DOCK3: variants seen among roughly 807,000 people sequenced by gnomAD.
The protein encoded by DOCK3 is dedicator of cytokinesis protein 3.
In DOCK3, 60 loss-of-function variants were observed where a neutral mutation model predicts 265.6. That is an observed-to-expected ratio of 0.23 (90% confidence interval 0.18 to 0.28). The LOEUF (loss-of-function observed/expected upper bound fraction) is 0.28, where lower values mean the gene tolerates loss of function less well. DOCK3 is among the 10% of genes least tolerant of loss of function. The probability of loss-of-function intolerance (pLI) is 1.00; values close to 1 mark genes in which losing one functional copy is unlikely to be tolerated. For synonymous variants in DOCK3, 881 were observed against 938.0 expected, an observed-to-expected ratio of 0.94 and a Z score of 1.11; for missense variants, 1,981 against 2,594.3, an observed-to-expected ratio of 0.76 and a Z score of 5.14.
intron 38 of DOCK3, among the ~76,000 whole-genome samples, chr3:51,345,626 A>G (rs928718664): frequency 5.9e-5 from 9 of 152,106 alleles, no homozygotes; most frequent in Non-Finnish European, 8.8e-5. Context: ...TGTTTCCAAA[A>G]AAAACAAACA....
At chr3:50,972,557 C>T (rs895633730) in intron 5 of DOCK3, among the ~76,000 whole-genome samples, 5 of 152,164 alleles carry the variant, frequency 3.3e-5, no homozygotes, top group African/African-American at 1.2e-4. Flanking sequence ...GCCCCTTTGG[C>T]GGGTTGCACT....
At chr3:51,012,428 G>A (rs1184538091) in intron 5 of DOCK3, among the ~76,000 whole-genome samples, 2 of 152,278 alleles carry the variant, frequency 1.3e-5, no homozygotes, top group South Asian at 4.1e-4. Flanking sequence ...AGGCTCTGTG[G>A]GTGTGGGACC....
chr3:51,335,265 A>G (rs538242818), intron 35 of DOCK3, among the ~76,000 whole-genome samples: 4 of 152,116 alleles, frequency 2.6e-5, no homozygotes, highest in African/African-American at 9.7e-5. Context: ...AGCCAAAAAA[A>G]AAGAAGAAGA....
chr3:50,702,258 T>C (rs2036090436), intron 1 of DOCK3, among the ~76,000 whole-genome samples: 1 of 152,202 alleles, frequency 6.6e-6, no homozygotes, highest in Admixed American at 6.6e-5. Context: ...TGTTTTGTCA[T>C]TTTTGTCGTA....
At position 51,159,937 on chromosome 3, in the gene DOCK3, TA is replaced by T. The variant is rs2086050788; in HGVS notation, c.890-617del. ...TATCATGTACATTTTTATCAAAGAA[TA>T]TTTTTTAATCCCTTGCCAACAAAAC... On this transcript the variant is annotated intron_variant, in intron 11 of 52. Coordinates refer to ENST00000266037, the MANE Select transcript of DOCK3 (RefSeq NM_004947.5). 1.3e-5 allele frequency among the ~76,000 whole-genome samples: 2 copies of T among 152,220 alleles called. 1 individual carries two copies. Among genetic ancestry groups the T allele is most frequent in the South Asian group, 4.1e-4 (2 of 4,830 alleles).
chr3:51,134,293 C>T (rs1209935149), intron 9 of DOCK3, among the ~76,000 whole-genome samples: 1 of 152,130 alleles, frequency 6.6e-6, no homozygotes, highest in Non-Finnish European at 1.5e-5. Flanking sequence ...TGGGTATACA[C>T]CCAGCAATGG....
At chr3:51,336,945 C>T (rs1242537634) in intron 35 of DOCK3, 1 of 454,048 alleles carries the variant, frequency 2.2e-6, no homozygotes, top group African/African-American at 2.0e-5. Context: ...CAGATGCCTT[C>T]TACCATTGTG....
chr3:51,017,293 A>C (rs2108844530), intron 5 of DOCK3, among the ~76,000 whole-genome samples: 1 of 150,870 alleles, frequency 6.6e-6, no homozygotes, highest in South Asian at 2.1e-4. Flanking sequence ...AAGGCTTGTC[A>C]ATTTTGTTTA....
chr3:50,906,917 A>C (rs528708967), intron 4 of DOCK3, among the ~76,000 whole-genome samples: 47 of 152,052 alleles, frequency 3.1e-4, no homozygotes, highest in Non-Finnish European at 5.0e-4. Context: ...CCCTCTACAC[A>C]CTGCTTTGAA....
intron 6 of DOCK3, among the ~76,000 whole-genome samples, chr3:51,065,646 G>A (rs1488296360): frequency 6.6e-6 from 1 of 152,140 alleles, no homozygotes; most frequent in Non-Finnish European, 1.5e-5. Flanking sequence ...AATGGCTACC[G>A]GGGAAAAACT....
chr3:50,791,548 A>G (rs573193773), intron 2 of DOCK3, among the ~76,000 whole-genome samples: 1 of 152,284 alleles, frequency 6.6e-6, no homozygotes, highest in Non-Finnish European at 1.5e-5. Flanking sequence ...TGCTGGAATT[A>G]TAGGTGTGAG....
chr3:51,077,891 C>T (rs746424492), intron 7 of DOCK3, among the ~76,000 whole-genome samples: 4 of 152,162 alleles, frequency 2.6e-5, no homozygotes, highest in Non-Finnish European at 5.9e-5. Context: ...CACCTCCTTG[C>T]CCAGACCTTC....
intron 51 of DOCK3, among the ~76,000 whole-genome samples, chr3:51,378,314 G>A (rs2088307684): frequency 6.6e-6 from 1 of 152,208 alleles, no homozygotes; most frequent in African/African-American, 2.4e-5. Flanking sequence ...CCTGCGCAAT[G>A]AGGAAGAAGA....
chr3:51,094,541 A>G (rs1401901749), intron 9 of DOCK3, among the ~76,000 whole-genome samples: 1 of 151,490 alleles, frequency 6.6e-6, no homozygotes, highest in Non-Finnish European at 1.5e-5. Flanking sequence ...TATTGTGTCT[A>G]TTTCACTTTT....
chr3:51,368,021 A>T (rs2087371714), intron 49 of DOCK3, among the ~76,000 whole-genome samples: 1 of 152,156 alleles, frequency 6.6e-6, no homozygotes, highest in Admixed American at 6.5e-5. Context: ...GTATTTCCTG[A>T]ATTTGAATGT....
chr3:50,700,653 C>T (rs1432829815), intron 1 of DOCK3, among the ~76,000 whole-genome samples: 1 of 118,810 alleles, frequency 8.4e-6, no homozygotes, highest in Admixed American at 8.2e-5. Context: ...ATTGTGTGTA[C>T]ATACCACATT....
At chr3:50,713,047 G>A (rs1489755122) in intron 1 of DOCK3, among the ~76,000 whole-genome samples, 1 of 152,084 alleles carries the variant, frequency 6.6e-6, no homozygotes, top group Non-Finnish European at 1.5e-5. Context: ...GGAGCATCAG[G>A]GGAGTGCACC....
intron 5 of DOCK3, among the ~76,000 whole-genome samples, chr3:50,986,613 C>A (rs964103628): frequency 3.3e-5 from 5 of 152,168 alleles, no homozygotes; most frequent in African/African-American, 9.6e-5. Flanking sequence ...CCAAATGTTT[C>A]AAATAATCAT....
At chr3:50,974,494 T>C (rs2077364064) in intron 5 of DOCK3, among the ~76,000 whole-genome samples, 2 of 151,974 alleles carry the variant, frequency 1.3e-5, no homozygotes, top group African/African-American at 4.8e-5. Context: ...GTTCCATTGA[T>C]CTATATCTCT....
Sources: allele counts gnomAD v4.1 joint callset (sites outside exome capture counted in the v4.1 genomes callset), GRCh38; gene constraint gnomAD v4.1.1; transcripts MANE v1.5; gene names NCBI Gene and HGNC (gene_info 2026-07-23, HGNC 2026-07-21).